ELMO1: variants seen among roughly 807,000 people sequenced by gnomAD.
The protein encoded by ELMO1 is engulfment and cell motility protein 1.
ELMO1 carries 26 observed loss-of-function variants against 98.9 expected under a neutral mutation model. The ratio of observed to expected loss-of-function variants is 0.26; its 90% CI spans 0.19 to 0.36. The LOEUF is 0.36. Ranked by LOEUF, ELMO1 falls within the 10% of genes least tolerant of loss-of-function variation. The pLI is 1.00. For missense variants in ELMO1, 627 were observed against 935.2 expected, an observed-to-expected ratio of 0.67 and a Z score of 4.30; for synonymous variants, 346 against 346.0, an observed-to-expected ratio of 1.00 and a Z score of 0.00.
intron 15 of ELMO1, among the ~76,000 whole-genome samples, chr7:37,042,609 T>C (rs1159698540): frequency 6.6e-6 from 1 of 152,162 alleles, no homozygotes; most frequent in Non-Finnish European, 1.5e-5. Context: ...CAGAAGACAG[T>C]AGAAATGGGT....
chr7:37,346,506 A>G (rs1303581306), intron 1 of ELMO1, among the ~76,000 whole-genome samples: 1 of 152,214 alleles, frequency 6.6e-6, no homozygotes, highest in Non-Finnish European at 1.5e-5. Flanking sequence ...CAAGCAAACA[A>G]TCTGTACTTC....
intron 9 of ELMO1, among the ~76,000 whole-genome samples, chr7:37,224,027 G>A (rs1793734836): frequency 6.6e-6 from 1 of 152,176 alleles, no homozygotes; most frequent in Admixed American, 6.5e-5. Flanking sequence ...CAAAATGCTA[G>A]AGAAAAGGCC....
At chr7:36,924,079 A>ATG (rs1785350180) in intron 16 of ELMO1, among the ~76,000 whole-genome samples, 1 of 152,240 alleles carries the variant, frequency 6.6e-6, no homozygotes, top group Admixed American at 6.5e-5. Flanking sequence ...TGCTGAGGTC[A>ATG]TGAGAACTGT....
At chr7:37,140,612 G>A (rs181532399) in intron 13 of ELMO1, among the ~76,000 whole-genome samples, 4 of 152,280 alleles carry the variant, frequency 2.6e-5, no homozygotes, top group African/African-American at 7.2e-5. Flanking sequence ...CAGAATGGGA[G>A]AAAATATTCA....
chr7:37,375,789 T>C, intron 1 of ELMO1: 7 of 953,952 alleles, frequency 7.3e-6, no homozygotes, highest in Non-Finnish European at 1.2e-5. Flanking sequence ...CCCTGGAGAC[T>C]GTGCCTGCCA....
chr7:37,387,546 C>T lies in ELMO1; in HGVS notation c.-73-44783G>A, dbSNP rs151109424. On this transcript the variant is annotated intron_variant, in intron 1 of 21. Transcript: ENST00000310758. ...ATTGCATCTAAAACCATCCTATTTC[C>T]AAACAAGGAAACATTCTAAGGGCCT... Among the ~76,000 whole-genome samples, 905 of 152,250 alleles carry T rather than the reference C, an allele frequency of 5.9e-3. 16 individuals carry two copies. The highest frequency in any genetic ancestry group is 4.1e-3 in the Non-Finnish European group (277 of 68,028).
At chr7:36,944,783 A>G (rs764885893) in intron 16 of ELMO1, among the ~76,000 whole-genome samples, 16 of 152,152 alleles carry the variant, frequency 1.1e-4, no homozygotes, top group Non-Finnish European at 2.2e-4. Flanking sequence ...CTTAGTGAAA[A>G]CATAGGCCCT....
chr7:36,940,283 A>C (rs1242720348), intron 16 of ELMO1, among the ~76,000 whole-genome samples: 1 of 152,240 alleles, frequency 6.6e-6, no homozygotes, highest in African/African-American at 2.4e-5. Flanking sequence ...GAATAGGCCA[A>C]GGAGAGCCTT....
At chr7:37,097,043 C>A (rs1562998448) in intron 14 of ELMO1, among the ~76,000 whole-genome samples, 1 of 152,218 alleles carries the variant, frequency 6.6e-6, no homozygotes, top group African/African-American at 2.4e-5. Context: ...CCAAACAACT[C>A]TCTTGTCCTC....
chr7:37,241,761 G>A (rs1794775723), intron 7 of ELMO1, among the ~76,000 whole-genome samples: 1 of 152,132 alleles, frequency 6.6e-6, no homozygotes, highest in Non-Finnish European at 1.5e-5. Context: ...GCTTGCTGTA[G>A]TGTAGTTGCT....
At chr7:37,337,833 A>T (rs1313128693) in intron 2 of ELMO1, among the ~76,000 whole-genome samples, 1 of 152,168 alleles carries the variant, frequency 6.6e-6, no homozygotes, top group East Asian at 1.9e-4. Flanking sequence ...GGGAACAGAA[A>T]AGCTGCTGCT....
chr7:37,377,436 C>T (rs562390032), intron 1 of ELMO1, among the ~76,000 whole-genome samples: 55 of 152,058 alleles, frequency 3.6e-4, no homozygotes, highest in Non-Finnish European at 5.3e-4. Context: ...CACACAGTTA[C>T]GTAAATGGAA....
At position 37,177,776 on chromosome 7, in the gene ELMO1, T is replaced by C. The variant is rs114818061; in HGVS notation, c.1086+33610A>G. The stretch of plus-strand genomic sequence containing the variant: ...CCTTGACTCACTGCTTACTATGTGG[T>C]ATATACTGGGACCTAGAGAGGTCAT... On this transcript the variant is annotated intron_variant, in intron 13 of 21. Transcript: ENST00000310758. Among the ~76,000 whole-genome samples, 364 of 152,310 alleles carry C rather than the reference T, an allele frequency of 2.4e-3. 3 individuals carry two copies. Among genetic ancestry groups the C allele is most frequent in the African/African-American group, 7.8e-3 (323 of 41,566 alleles).
chr7:36,972,832 G>A (rs1790090898), intron 16 of ELMO1, among the ~76,000 whole-genome samples: 2 of 152,154 alleles, frequency 1.3e-5, no homozygotes, highest in South Asian at 4.1e-4. Flanking sequence ...GCTGGATGGA[G>A]TACAATGGCG....
At position 37,103,872 on chromosome 7, in the gene ELMO1, C is replaced by T. The variant is rs183236328; in HGVS notation, c.1192-7145G>A. The stretch of plus-strand genomic sequence containing the variant: ...TATATATATTAGCCGGGCATGGTGG[C>T]GGGCACCTGTAGTCCCAGCTACTTG... On this transcript the variant is annotated intron_variant, in intron 14 of 21. Transcript: ENST00000310758. Among the ~76,000 whole-genome samples, 1,138 of 149,202 alleles carry T rather than the reference C, an allele frequency of 7.6e-3. 17 individuals are homozygous for T. Among genetic ancestry groups the T allele is most frequent in the African/African-American group, 0.026 (1,026 of 39,854 alleles).
chr7:36,883,038 G>A lies in ELMO1; in HGVS notation c.1714+4522C>T, dbSNP rs1484685954. Among the ~76,000 whole-genome samples the A allele has an allele frequency of 2.0e-5, 3 of 152,292 alleles. No individual in the cohort carries two copies. The East Asian group carries it at 5.8e-4, about 29-fold the overall frequency. ...AAGGAATGACCTGCTCCCCACAACA[G>A]GGCAATATGGTTACCATGCCTGAAC... On this transcript the variant is annotated intron_variant, in intron 18 of 21. Transcript: ENST00000310758.
At position 37,255,298 on chromosome 7, in the gene ELMO1, C is replaced by T. The variant is rs924344593; in HGVS notation, c.413+3883G>A. 3.3e-5 allele frequency among the ~76,000 whole-genome samples: 5 copies of T among 152,226 alleles called. No homozygotes were observed. In the South Asian group the frequency reaches 6.2e-4, roughly 19 times the overall value. On this transcript the variant is annotated intron_variant, in intron 6 of 21. Coordinates refer to ENST00000310758, the MANE Select transcript of ELMO1 (RefSeq NM_014800.11). ...GACAAAAAGAAAAAACAGGGATGTG[C>T]ACATGAGGACAGAGAGAGAAGGCAG...
At position 37,320,099 on chromosome 7, in the gene ELMO1, C is replaced by T. The variant is rs117053551; in HGVS notation, c.79-4139G>A. 1.3e-3 allele frequency among the ~76,000 whole-genome samples: 201 copies of T among 151,562 alleles called. 3 individuals carry two copies. The East Asian group carries it at 0.038, about 29-fold the overall frequency. ...GTGAAACCCTGTCTCTACTAAAATA[C>T]AAAAAAAATAAATAAATAAATAAAA... On this transcript the variant is annotated intron_variant, in intron 2 of 21. Transcript: ENST00000310758.
At chr7:36,873,204 T>G (rs1803673607) in intron 19 of ELMO1, among the ~76,000 whole-genome samples, 2 of 152,190 alleles carry the variant, frequency 1.3e-5, no homozygotes, top group East Asian at 3.8e-4. Flanking sequence ...ATAGTTTGTC[T>G]TCTAGATGCA....
Sources: allele counts gnomAD v4.1 joint callset (sites outside exome capture counted in the v4.1 genomes callset), GRCh38; gene constraint gnomAD v4.1.1; transcripts MANE v1.5; gene names NCBI Gene and HGNC (gene_info 2026-07-23, HGNC 2026-07-21).